Variants in GTF2I observed in about 807,000 individuals in gnomAD.
GTF2I encodes the protein general transcription factor II-I.
Under a neutral mutation model 67.6 loss-of-function variants are expected in GTF2I, and 12 were observed. That is an observed-to-expected ratio of 0.18 (90% CI 0.11 to 0.29). The LOEUF is 0.29. Among genes scored for constraint, GTF2I ranks in the 10% least tolerant of loss-of-function variants. GTF2I has a pLI of 1.00. For synonymous variants in GTF2I, 149 were observed against 197.0 expected, an observed-to-expected ratio of 0.76 and a Z score of 2.04; for missense variants, 271 against 580.1, an observed-to-expected ratio of 0.47 and a Z score of 5.47.
intron 14 of GTF2I, among the ~76,000 whole-genome samples, chr7:74,731,523 C>T (rs1344865805): frequency 6.4e-5 from 9 of 141,406 alleles, no homozygotes; most frequent in Non-Finnish European, 1.1e-4. Context: ...CTTTTTTGCC[C>T]GTGGTTTTTT....
intron 1 of GTF2I, among the ~76,000 whole-genome samples, chr7:74,681,607 T>G (rs1439916288): frequency 3.9e-5 from 6 of 152,034 alleles, no homozygotes; most frequent in African/African-American, 1.4e-4. Flanking sequence ...TGCCCAGATC[T>G]TTTACACAAA....
intron 1 of GTF2I, among the ~76,000 whole-genome samples, chr7:74,680,118 G>GTATGTATGTATATACACATATATA (rs1787128223): frequency 9.5e-6 from 1 of 105,736 alleles, no homozygotes; most frequent in Non-Finnish European, 1.8e-5. Context: ...ATATATATAT[G>GTATGTATGTATATACACATATATA]TATGTATGTA....
chr7:74,665,585 G>A (rs150733815), intron 1 of GTF2I, among the ~76,000 whole-genome samples: 1 of 152,264 alleles, frequency 6.6e-6, no homozygotes, highest in East Asian at 1.9e-4. Flanking sequence ...AATAGAACAT[G>A]TTTCGCTTCT....
chr7:74,732,112 T>TATATATGTATATATACATATACAC (rs2131522297), intron 14 of GTF2I, among the ~76,000 whole-genome samples: 1 of 147,730 alleles, frequency 6.8e-6, no homozygotes, highest in East Asian at 1.9e-4. Flanking sequence ...CACATATACA[T>TATATATGTATATATACATATACAC]ATATATGTAT....
chr7:74,702,878 G>A (rs587706370), intron 6 of GTF2I, among the ~76,000 whole-genome samples: 7 of 151,892 alleles, frequency 4.6e-5, no homozygotes, highest in East Asian at 1.9e-4. Flanking sequence ...GACTACAGGC[G>A]TGTGCCACCA....
intron 6 of GTF2I, among the ~76,000 whole-genome samples, chr7:74,701,545 A>T (rs1223679141): frequency 6.6e-6 from 1 of 152,014 alleles, no homozygotes. Context: ...ATCTTGGCTC[A>T]CTGCAGCCTC....
At chr7:74,699,929 G>T in intron 4 of GTF2I, 1 of 236,546 alleles carries the variant, frequency 4.2e-6, no homozygotes, top group Non-Finnish European at 8.3e-6. Flanking sequence ...GTATTCTGAG[G>T]CCAAATTGTA....
intron 12 of GTF2I, among the ~76,000 whole-genome samples, chr7:74,725,273 T>G (rs115980314): frequency 0.013 from 1,938 of 152,270 alleles, 40 homozygotes; most frequent in African/African-American, 0.044. Context: ...TGTGGTGAAG[T>G]TTATAGCTGT....
chr7:74,693,058 G>T (rs929397233), intron 3 of GTF2I, among the ~76,000 whole-genome samples: 8 of 151,940 alleles, frequency 5.3e-5, no homozygotes, highest in Non-Finnish European at 1.2e-4. Flanking sequence ...CACTGTGCCC[G>T]ACCGGGCATA....
chr7:74,664,615 G>C (rs1196652892), intron 1 of GTF2I, among the ~76,000 whole-genome samples: 1 of 151,674 alleles, frequency 6.6e-6, no homozygotes, highest in Non-Finnish European at 1.5e-5. Context: ...TGTATTTTTA[G>C]TAGATACAGG....
At chr7:74,665,406 C>T (rs1424258430) in intron 1 of GTF2I, among the ~76,000 whole-genome samples, 5 of 152,022 alleles carry the variant, frequency 3.3e-5, no homozygotes, top group African/African-American at 9.7e-5. Context: ...CATGCGCCAC[C>T]ACACCTGGCT....
At chr7:74,715,595 C>A (rs1258789670) in intron 10 of GTF2I, among the ~76,000 whole-genome samples, 1 of 152,062 alleles carries the variant, frequency 6.6e-6, no homozygotes, top group Non-Finnish European at 1.5e-5. Flanking sequence ...GACCTCACAT[C>A]TCTTTTTTCT....
At chr7:74,677,834 A>G (rs1554392870) in intron 1 of GTF2I, among the ~76,000 whole-genome samples, 4 of 150,502 alleles carry the variant, frequency 2.7e-5, no homozygotes. Context: ...CTTATACAAA[A>G]GATAACTGGA....
intron 12 of GTF2I, among the ~76,000 whole-genome samples, chr7:74,722,168 C>T (rs781970872): frequency 7.2e-5 from 11 of 152,240 alleles, no homozygotes; most frequent in East Asian, 3.9e-4. Flanking sequence ...AATTTGACAC[C>T]GACGCGGACG....
intron 3 of GTF2I, among the ~76,000 whole-genome samples, chr7:74,698,434 C>T (rs988078233): frequency 7.7e-6 from 1 of 130,596 alleles, no homozygotes; most frequent in South Asian, 2.6e-4. Context: ...GAGACACAGT[C>T]TCTATCCATC....
intron 1 of GTF2I, among the ~76,000 whole-genome samples, chr7:74,682,076 G>T (rs1350123676): frequency 1.3e-5 from 2 of 152,118 alleles, no homozygotes; most frequent in Non-Finnish European, 2.9e-5. Flanking sequence ...TTGTGGTTTT[G>T]GATCTAGCTA....
At chr7:74,732,191 G>C (rs1299235766) in intron 14 of GTF2I, among the ~76,000 whole-genome samples, 3 of 147,742 alleles carry the variant, frequency 2.0e-5, no homozygotes, top group Non-Finnish European at 4.5e-5. Flanking sequence ...ATATAACACA[G>C]TGAAACCCCC....
intron 1 of GTF2I, among the ~76,000 whole-genome samples, chr7:74,662,452 C>T (rs587676377): frequency 2.7e-5 from 4 of 147,774 alleles, no homozygotes; most frequent in East Asian, 4.0e-4. Flanking sequence ...TCAGGTGATC[C>T]GCCTGCCTTG....
At chr7:74,732,885 C>A (rs1554407031) in intron 15 of GTF2I, among the ~76,000 whole-genome samples, 1 of 149,486 alleles carries the variant, frequency 6.7e-6, no homozygotes, top group African/African-American at 2.5e-5. Flanking sequence ...GATTGGCATG[C>A]AACTCACATT....
Sources: allele counts gnomAD v4.1 joint callset (sites outside exome capture counted in the v4.1 genomes callset), GRCh38; gene constraint gnomAD v4.1.1; transcripts MANE v1.5; gene names NCBI Gene and HGNC (gene_info 2026-07-23, HGNC 2026-07-21).